MIPOL1: variants seen among roughly 807,000 people sequenced by gnomAD.
MIPOL1 encodes mirror-image polydactyly gene 1 protein.
MIPOL1 carries 57 observed loss-of-function variants against 60.9 expected under a neutral mutation model. The observed-to-expected ratio is 0.94, with a 90% CI of 0.76 to 1.17. MIPOL1 has a LOEUF of 1.17. Ranked by LOEUF, MIPOL1 falls within the 50% of genes most tolerant of loss-of-function variation. The pLI, the probability that MIPOL1 is intolerant of heterozygous loss-of-function variation, is 0.00. For missense variants in MIPOL1, 551 were observed against 511.6 expected (o/e 1.08, Z -0.74); for synonymous variants, 179 against 168.8 (o/e 1.06, Z -0.47).
At chr14:37,472,175 G>A (rs1300435045) in intron 11 of MIPOL1, among the ~76,000 whole-genome samples, 1 of 152,130 alleles carries the variant, frequency 6.6e-6, no homozygotes, top group Non-Finnish European at 1.5e-5. Context: ...CAGCATCAGT[G>A]CTTGTCCCTA....
intron 1 of MIPOL1, among the ~76,000 whole-genome samples, chr14:37,232,608 T>C (rs1156584697): frequency 6.6e-6 from 1 of 152,206 alleles, no homozygotes; most frequent in African/African-American, 2.4e-5. Context: ...TAATATCCTC[T>C]TACCATTTTG....
intron 9 of MIPOL1, among the ~76,000 whole-genome samples, chr14:37,310,222 T>C (rs1204816714): frequency 1.3e-5 from 2 of 152,078 alleles, no homozygotes; most frequent in African/African-American, 4.8e-5. Flanking sequence ...CTTCACAGCT[T>C]TGTAAGGCAG....
intron 11 of MIPOL1, chr14:37,423,728 G>GT (rs1230406262): frequency 2.6e-5 from 4 of 152,160 alleles, no homozygotes; most frequent in African/African-American, 9.6e-5. Context: ...AAAGATTTTT[G>GT]TTTTAATTTG....
chr14:37,526,376 T>G (rs954061890), intron 12 of MIPOL1, among the ~76,000 whole-genome samples: 16 of 149,212 alleles, frequency 1.1e-4, no homozygotes, highest in Non-Finnish European at 3.0e-5. Context: ...TTTCTTTTTT[T>G]TTTTTTTTTT....
At chr14:37,363,537 T>C (rs1158629433) in intron 9 of MIPOL1, among the ~76,000 whole-genome samples, 1 of 152,162 alleles carries the variant, frequency 6.6e-6, no homozygotes. Flanking sequence ...CTGTATGAGG[T>C]GTCTGTCGGC....
chr14:37,522,670 A>G (rs1003201711), intron 12 of MIPOL1, among the ~76,000 whole-genome samples: 1 of 152,210 alleles, frequency 6.6e-6, no homozygotes, highest in African/African-American at 2.4e-5. Context: ...GAATGAACAC[A>G]TGAATCCAAA....
chr14:37,489,720 C>G (rs1479231316), intron 11 of MIPOL1, among the ~76,000 whole-genome samples: 1 of 152,186 alleles, frequency 6.6e-6, no homozygotes, highest in Non-Finnish European at 1.5e-5. Context: ...TGCTGCAGGT[C>G]TGCTGGAGTT....
At chr14:37,290,473 G>A (rs1206542223) in intron 7 of MIPOL1, among the ~76,000 whole-genome samples, 1 of 151,990 alleles carries the variant, frequency 6.6e-6, no homozygotes, top group Non-Finnish European at 1.5e-5. Flanking sequence ...TGATCCACCC[G>A]CCTCAGCCTC....
At chr14:37,324,663 A>C (rs571771408) in intron 9 of MIPOL1, among the ~76,000 whole-genome samples, 1 of 152,126 alleles carries the variant, frequency 6.6e-6, no homozygotes, top group South Asian at 2.1e-4. Flanking sequence ...GTTTTCCTCT[A>C]CAGGCTTTAA....
At chr14:37,336,827 C>T (rs571517498) in intron 9 of MIPOL1, among the ~76,000 whole-genome samples, 4 of 152,128 alleles carry the variant, frequency 2.6e-5, no homozygotes, top group Admixed American at 1.3e-4. Flanking sequence ...GTGGCATGAT[C>T]TTAGCTCACT....
At chr14:37,483,093 C>G (rs962430775) in intron 11 of MIPOL1, among the ~76,000 whole-genome samples, 1 of 150,048 alleles carries the variant, frequency 6.7e-6, no homozygotes, top group East Asian at 2.0e-4. Context: ...AAAATCTGCA[C>G]ATGTTCAGTA....
At chr14:37,382,819 A>G (rs1003441725) in intron 10 of MIPOL1, among the ~76,000 whole-genome samples, 1 of 151,924 alleles carries the variant, frequency 6.6e-6, no homozygotes, top group Non-Finnish European at 1.5e-5. Flanking sequence ...ATGGATTTTA[A>G]TTTTAACTGA....
At chr14:37,357,043 AT>A (rs2091896540) in intron 9 of MIPOL1, among the ~76,000 whole-genome samples, 1 of 152,162 alleles carries the variant, frequency 6.6e-6, no homozygotes. Context: ...AATATTGGCT[AT>A]TGTGAACAGT....
chr14:37,307,387 C>G (rs1225348820), intron 7 of MIPOL1, among the ~76,000 whole-genome samples: 1 of 151,834 alleles, frequency 6.6e-6, no homozygotes, highest in Non-Finnish European at 1.5e-5. Context: ...TTTAATTTCT[C>G]AACATCAGCA....
At chr14:37,379,317 A>C (rs1440541215) in intron 10 of MIPOL1, among the ~76,000 whole-genome samples, 1 of 152,072 alleles carries the variant, frequency 6.6e-6, no homozygotes, top group Non-Finnish European at 1.5e-5. Context: ...AGTAATTCAA[A>C]ATTTTTCACA....
intron 11 of MIPOL1, among the ~76,000 whole-genome samples, chr14:37,449,724 C>T (rs978329787): frequency 5.3e-5 from 8 of 152,090 alleles, no homozygotes; most frequent in African/African-American, 1.9e-4. Context: ...GGGCTTCTTT[C>T]TTACTTGAGC....
intron 11 of MIPOL1, among the ~76,000 whole-genome samples, chr14:37,436,211 C>T (rs1217838706): frequency 2.0e-5 from 3 of 152,050 alleles, no homozygotes; most frequent in Non-Finnish European, 4.4e-5. Context: ...ATTCTTCTTC[C>T]ACTTGATACA....
intron 11 of MIPOL1, among the ~76,000 whole-genome samples, chr14:37,468,230 G>A (rs533264602): frequency 3.3e-5 from 5 of 151,824 alleles, no homozygotes; most frequent in Admixed American, 6.6e-5. Context: ...TTGAATAAAT[G>A]CCGCTTTCAG....
chr14:37,319,220 G>A lies in MIPOL1; in HGVS notation c.828+10701G>A, dbSNP rs532583340. Reference sequence around the variant, plus strand: ...GAGTTTTGAGAATGGGAACATTTTTGTAACTAAATTTTTATGTACATCCAT... The same window carrying A: ...GAGTTTTGAGAATGGGAACATTTTTATAACTAAATTTTTATGTACATCCAT... On this transcript the variant is annotated intron_variant, in intron 9 of 12. Transcript: ENST00000684589. Among the ~76,000 whole-genome samples the A allele has an allele frequency of 3.9e-5, 6 of 152,156 alleles. No homozygotes were observed. In the East Asian group the frequency reaches 1.2e-3, roughly 29 times the overall value.
Sources: allele counts gnomAD v4.1 joint callset (sites outside exome capture counted in the v4.1 genomes callset), GRCh38; gene constraint gnomAD v4.1.1; transcripts MANE v1.5; gene names NCBI Gene and HGNC (gene_info 2026-07-23, HGNC 2026-07-21).